Variants in ANO2 observed in about 807,000 individuals in gnomAD.
ANO2 encodes the protein anoctamin 2, also known as anoctamin-2.
ANO2 carries 101 observed loss-of-function variants against 124.2 expected under a neutral mutation model. The observed-to-expected ratio is 0.81, with a 90% CI of 0.69 to 0.96. ANO2 has a LOEUF of 0.96. Ranked by LOEUF, ANO2 falls within the 40% of genes least tolerant of loss-of-function variation. ANO2 has a pLI of 0.00. For missense variants in ANO2, 1,293 were observed against 1,274.5 expected (o/e 1.01, Z -0.22); for synonymous variants, 486 against 482.5 (o/e 1.01, Z -0.09).
rs900477586 is a variant in ANO2, at chr12:5,908,983, C to T, written c.534+12057G>A. 2.0e-5 allele frequency among the ~76,000 whole-genome samples: 3 copies of T among 152,202 alleles called. No homozygotes were observed. Among genetic ancestry groups the T allele is most frequent in the Non-Finnish European group, 4.4e-5 (3 of 68,032 alleles). ...GGTCATCCGCCTTTTGAGCAGAATG[C>T]ATCATTACACGCTGTAGGTCCACAA... On this transcript the variant is annotated intron_variant, in intron 3 of 24. Coordinates refer to ENST00000682330, the MANE Select transcript of ANO2 (RefSeq NM_001364791.2). This position sits in a 1 kb window ranked among gnomAD's most constrained non-coding sequence, Gnocchi z 4.7.
chr12:5,823,733 T>C (rs1416732422), intron 7 of ANO2, among the ~76,000 whole-genome samples: 1 of 152,242 alleles, frequency 6.6e-6, no homozygotes, highest in Non-Finnish European at 1.5e-5. Context: ...CAGTAGGGAC[T>C]CTGTGTGGAA....
intron 10 of ANO2, among the ~76,000 whole-genome samples, chr12:5,779,063 G>A (rs933463571): frequency 1.1e-4 from 16 of 152,198 alleles, no homozygotes; most frequent in African/African-American, 3.6e-4. Flanking sequence ...CTGCCCAAGG[G>A]CAAAAAGAGT....
At chr12:5,881,107 G>C (rs917557654) in intron 3 of ANO2, among the ~76,000 whole-genome samples, 4 of 152,244 alleles carry the variant, frequency 2.6e-5, no homozygotes, top group Non-Finnish European at 5.9e-5. Context: ...TTCTACGTAT[G>C]TCTACAGAAA....
chr12:5,819,211 T>C (rs1953708114), intron 7 of ANO2, among the ~76,000 whole-genome samples: 1 of 152,214 alleles, frequency 6.6e-6, no homozygotes, highest in African/African-American at 2.4e-5. Context: ...ACACCCCTGT[T>C]TGCTTCTAGA....
At chr12:5,770,773 A>G (rs1952054915) in intron 10 of ANO2, among the ~76,000 whole-genome samples, 1 of 152,212 alleles carries the variant, frequency 6.6e-6, no homozygotes, top group Non-Finnish European at 1.5e-5. Context: ...AATACTTTTC[A>G]GGATCTACAA....
intron 11 of ANO2, among the ~76,000 whole-genome samples, chr12:5,747,090 C>T (rs575234020): frequency 6.6e-6 from 1 of 152,222 alleles, no homozygotes; most frequent in East Asian, 1.9e-4. Context: ...GATGTTGTGC[C>T]GTAGTTACAT....
intron 10 of ANO2, among the ~76,000 whole-genome samples, chr12:5,751,437 C>A (rs1190341971): frequency 3.3e-5 from 5 of 152,196 alleles, no homozygotes; most frequent in African/African-American, 1.2e-4. Context: ...CCAACATACA[C>A]ACACTTACTG....
chr12:5,577,975 T>C lies in ANO2; in HGVS notation c.2419A>G (p.Lys807Glu), dbSNP rs1288652119. Reference protein sequence around the residue: ...IWFDILSGIGKFSVISNAFVI... With the variant: ...IWFDILSGIGEFSVISNAFVI... ...CTTACGTTGCTGATAACAGAGAACT[T>C]GCCAATTCCAGAGAGAATGTCAAAC... The change falls in exon 22 of 25, where the codon AAG (lysine) becomes GAG (glutamate). Residue 807 changes from lysine (K) to glutamate (E), a missense_variant. Lys to Glu is a moderately conservative substitution (Grantham distance 56). Coordinates refer to ENST00000682330, the MANE Select transcript of ANO2 (RefSeq NM_001364791.2). The C allele has an allele frequency of 6.2e-6, 10 of 1,613,832 alleles. No homozygotes were observed. Among genetic ancestry groups the C allele is most frequent in the Non-Finnish European group, 8.5e-6 (10 of 1,179,802 alleles).
intron 16 of ANO2, among the ~76,000 whole-genome samples, chr12:5,628,666 G>A (rs548331776): frequency 7.6e-6 from 1 of 131,388 alleles, no homozygotes; most frequent in East Asian, 2.6e-4. Flanking sequence ...GGTAAGCAGA[G>A]AGTGTGTGTG....
chr12:5,612,818 C>A, intron 18 of ANO2, 62 bp from the exon 19 acceptor site: 1 of 1,606,522 alleles, frequency 6.2e-7, no homozygotes, highest in Non-Finnish European at 8.5e-7. Flanking sequence ...GAAGCAGGGG[C>A]GCGAATGAAG....
At position 5,830,508 on chromosome 12, in the gene ANO2, C is replaced by T. The variant is rs1441579123; in HGVS notation, c.786-19G>A. On this transcript the variant is annotated intron_variant, in intron 5 of 24. Transcript: ENST00000682330. Reference sequence around the variant, plus strand: ...GTTGTACCTGGAGACACCAAGAGAGCAGATGGCAAATTCATTTCATTACCC... The same window carrying T: ...GTTGTACCTGGAGACACCAAGAGAGTAGATGGCAAATTCATTTCATTACCC... The T allele has an allele frequency of 6.2e-7, 1 of 1,606,280 alleles. No homozygotes were observed. The highest frequency in any genetic ancestry group is 1.1e-5 in the South Asian group (1 of 89,034).
intron 4 of ANO2, among the ~76,000 whole-genome samples, chr12:5,851,564 AATCC>A: frequency 6.6e-6 from 1 of 152,194 alleles, no homozygotes; most frequent in East Asian, 1.9e-4. Flanking sequence ...GAGCACCTGT[AATCC>A]CAGCTAATCG....
intron 7 of ANO2, among the ~76,000 whole-genome samples, chr12:5,819,281 C>T (rs549056473): frequency 2.2e-3 from 338 of 152,142 alleles, no homozygotes; most frequent in African/African-American, 7.6e-3. Context: ...GTATGACCCA[C>T]GAGAAGGTGC....
At chr12:5,906,592 T>G (rs1940709109) in intron 3 of ANO2, among the ~76,000 whole-genome samples, 1 of 151,914 alleles carries the variant, frequency 6.6e-6, no homozygotes, top group Non-Finnish European at 1.5e-5. Context: ...GTCAAGAGAT[T>G]GAGACCATCC....
Position 5,749,196 on chromosome 12 carries a change from G to C in ANO2, c.1190+1640C>G, listed in dbSNP as rs369161893. 3.3e-5 allele frequency among the ~76,000 whole-genome samples: 5 copies of C among 152,288 alleles called. No individual in the cohort carries two copies. In the East Asian group the frequency reaches 5.8e-4, roughly 18 times the overall value. On this transcript the variant is annotated intron_variant, in intron 11 of 24. Transcript: ENST00000682330. ...ACGCATACCCTTCCTAAAATGCACA[G>C]TTTCTGGTTTTTTCTTCAGAATGGC...
At position 5,727,865 on chromosome 12, in the gene ANO2, C is replaced by T. The variant is rs1396818039; in HGVS notation, c.1545+4655G>A. Among the ~76,000 whole-genome samples the T allele has an allele frequency of 6.8e-5, 10 of 146,466 alleles. No individual in the cohort carries two copies. The Admixed American group carries it at 6.9e-4, about 10-fold the overall frequency. On this transcript the variant is annotated intron_variant, in intron 14 of 24. Transcript: ENST00000682330. ...TCTGTCCCCCAGGCTGGAGTGCAGT[C>T]GTGCAATCTCGGCTCACTGCAAGCT...
chr12:5,886,684 T>A (rs1214782011), intron 3 of ANO2, among the ~76,000 whole-genome samples: 1 of 152,218 alleles, frequency 6.6e-6, no homozygotes, highest in Non-Finnish European at 1.5e-5. Flanking sequence ...ATCAAGGGTG[T>A]TTGCATGTGT....
chr12:5,684,151 C>T (rs988123094), intron 14 of ANO2, among the ~76,000 whole-genome samples: 13 of 152,178 alleles, frequency 8.5e-5, no homozygotes, highest in East Asian at 3.9e-4. Flanking sequence ...ACACCTCCAC[C>T]AAGCCCTGGG....
intron 14 of ANO2, among the ~76,000 whole-genome samples, chr12:5,706,363 CT>C (rs1454784504): frequency 1.3e-5 from 2 of 152,232 alleles, no homozygotes; most frequent in East Asian, 3.9e-4. Context: ...CCCTTTTGCT[CT>C]TTCCCATCCT....
Sources: gnomAD v4.1 joint callset for allele counts (sites outside exome capture counted in the v4.1 genomes callset) on GRCh38, gnomAD v4.1.1 for gene constraint, Gnocchi (gnomAD v3.1) non-coding constraint, MANE v1.5 for transcripts, NCBI Gene and HGNC (gene_info 2026-07-23, HGNC 2026-07-21) for gene names.